Variants in ULK4 observed in about 807,000 individuals in gnomAD.
ULK4 encodes inactive serine/threonine-protein kinase ULK4.
ULK4 carries 133 observed loss-of-function variants against 160.6 expected under a neutral mutation model. The observed-to-expected ratio is 0.83, with a 90% CI of 0.72 to 0.96. The LOEUF is 0.96. ULK4 is among the 40% of genes least tolerant of loss of function. The probability of loss-of-function intolerance (pLI) is 0.00; values close to 1 mark genes in which losing one functional copy is unlikely to be tolerated. For missense variants in ULK4, 1,580 were observed against 1,499.5 expected (o/e 1.05, Z -0.89); for synonymous variants, 534 against 539.8 (o/e 0.99, Z 0.15).
chr3:41,426,324 T>C (rs2082774396), intron 34 of ULK4, among the ~76,000 whole-genome samples: 1 of 152,088 alleles, frequency 6.6e-6, no homozygotes, highest in Non-Finnish European at 1.5e-5. Context: ...CACACAATAA[T>C]AGTAGGAGAC....
intron 35 of ULK4, among the ~76,000 whole-genome samples, chr3:41,321,605 G>A (rs549899007): frequency 6.6e-6 from 1 of 152,046 alleles, no homozygotes; most frequent in African/African-American, 2.4e-5. Context: ...CAGCCAGAGC[G>A]AGGGAAAGAC....
chr3:41,836,944 A>C (rs2041776740), intron 17 of ULK4, among the ~76,000 whole-genome samples: 1 of 152,220 alleles, frequency 6.6e-6, no homozygotes, highest in Non-Finnish European at 1.5e-5. Context: ...CACTCTGAGA[A>C]GGAAAAAAAT....
chr3:41,300,062 CAGA>C (rs764167392), intron 35 of ULK4, among the ~76,000 whole-genome samples: 1 of 152,124 alleles, frequency 6.6e-6, no homozygotes, highest in Non-Finnish European at 1.5e-5. Flanking sequence ...CCAACACCAG[CAGA>C]AGAAGAGCAC....
chr3:41,873,756 T>G (rs1697201263), intron 17 of ULK4, among the ~76,000 whole-genome samples: 1 of 152,088 alleles, frequency 6.6e-6, no homozygotes, highest in African/African-American at 2.4e-5. Context: ...TTTCACCATA[T>G]TGGTTAGGAT....
chr3:41,793,426 A>G (rs1389296660), intron 20 of ULK4, among the ~76,000 whole-genome samples: 1 of 152,116 alleles, frequency 6.6e-6, no homozygotes. Context: ...TTTAAGAACC[A>G]TTTCTTTTTG....
At chr3:41,375,166 C>G (rs1368985216) in intron 35 of ULK4, among the ~76,000 whole-genome samples, 1 of 152,162 alleles carries the variant, frequency 6.6e-6, no homozygotes, top group African/African-American at 2.4e-5. Context: ...ATTCCATGGT[C>G]ATGGATAAGA....
intron 20 of ULK4, among the ~76,000 whole-genome samples, chr3:41,793,572 T>C (rs1237522472): frequency 6.6e-6 from 1 of 152,104 alleles, no homozygotes; most frequent in Non-Finnish European, 1.5e-5. Context: ...GAAGAGGAAG[T>C]AGTTAATGTT....
intron 32 of ULK4, among the ~76,000 whole-genome samples, chr3:41,531,799 A>G (rs2086330137): frequency 6.6e-6 from 1 of 152,222 alleles, no homozygotes; most frequent in South Asian, 2.1e-4. Flanking sequence ...AACACTTTGT[A>G]ACAATTAGAA....
chr3:41,447,751 C>T (rs986842820), intron 34 of ULK4, among the ~76,000 whole-genome samples: 1 of 152,082 alleles, frequency 6.6e-6, no homozygotes, highest in Non-Finnish European at 1.5e-5. Context: ...TACATGGGTC[C>T]CTGGTTAATG....
intron 31 of ULK4, among the ~76,000 whole-genome samples, chr3:41,610,989 C>T (rs1002940390): frequency 1.1e-4 from 17 of 152,148 alleles, no homozygotes; most frequent in African/African-American, 3.6e-4. Context: ...CAAATTCACA[C>T]TTAAGGCACA....
intron 32 of ULK4, among the ~76,000 whole-genome samples, chr3:41,480,802 C>A (rs567922178): frequency 6.6e-6 from 1 of 152,270 alleles, no homozygotes; most frequent in African/African-American, 2.4e-5. Context: ...GAAGGGGAAG[C>A]AAACACGTCC....
At chr3:41,889,905 C>T (rs1332815085) in intron 16 of ULK4, among the ~76,000 whole-genome samples, 1 of 152,188 alleles carries the variant, frequency 6.6e-6, no homozygotes, top group Non-Finnish European at 1.5e-5. Flanking sequence ...TATAGCCACA[C>T]AAGGATTATT....
intron 35 of ULK4, among the ~76,000 whole-genome samples, chr3:41,359,721 G>A: frequency 6.6e-6 from 1 of 152,170 alleles, no homozygotes. Context: ...TGGATCTGGA[G>A]AGGCTTTTAT....
intron 18 of ULK4, among the ~76,000 whole-genome samples, chr3:41,833,769 G>T (rs1336340536): frequency 6.6e-6 from 1 of 152,000 alleles, no homozygotes; most frequent in African/African-American, 2.4e-5. Flanking sequence ...CTGAGACAAG[G>T]GGGGTTTCTA....
intron 35 of ULK4, among the ~76,000 whole-genome samples, chr3:41,362,018 G>A (rs2081156200): frequency 6.6e-6 from 1 of 152,144 alleles, no homozygotes. Flanking sequence ...GAAGAGTTTT[G>A]CTGATAAAGC....
At chr3:41,279,254 G>GAAAAAA (rs2079295716) in intron 35 of ULK4, among the ~76,000 whole-genome samples, 1 of 54,184 alleles carries the variant, frequency 1.8e-5, no homozygotes, top group African/African-American at 1.2e-4. Context: ...GAAAAAAAGA[G>GAAAAAA]TAAAAAAAAA....
intron 29 of ULK4, among the ~76,000 whole-genome samples, chr3:41,679,366 A>G (rs2035845693): frequency 6.6e-6 from 1 of 152,214 alleles, no homozygotes; most frequent in African/African-American, 2.4e-5. Flanking sequence ...TGAGAAAACT[A>G]AGGCTTGGAG....
intron 32 of ULK4, among the ~76,000 whole-genome samples, chr3:41,522,285 G>A (rs2085958963): frequency 6.6e-6 from 1 of 151,596 alleles, no homozygotes; most frequent in South Asian, 2.1e-4. Flanking sequence ...GATTACAGGT[G>A]CATGACATCA....
chr3:41,624,548 C>T (rs2033403299), intron 30 of ULK4, among the ~76,000 whole-genome samples: 1 of 152,176 alleles, frequency 6.6e-6, no homozygotes, highest in Non-Finnish European at 1.5e-5. Flanking sequence ...GTCTCTTTGA[C>T]TATAAATGCT....
Sources: allele counts gnomAD v4.1 joint callset (sites outside exome capture counted in the v4.1 genomes callset), GRCh38; gene constraint gnomAD v4.1.1; transcripts MANE v1.5; gene names NCBI Gene and HGNC (gene_info 2026-07-23, HGNC 2026-07-21).